The following KCNH4 variants were observed in gnomAD, a reference collection of about 807,000 sequenced individuals.
KCNH4 encodes the protein potassium voltage-gated channel subfamily H member 4, also known as voltage-gated delayed rectifier potassium channel KCNH4.
In KCNH4, 33 loss-of-function variants were observed where a neutral mutation model predicts 90.7. The observed-to-expected ratio is 0.36, with a 90% CI of 0.28 to 0.49. The LOEUF (loss-of-function observed/expected upper bound fraction) is 0.49. Among genes scored for constraint, KCNH4 ranks in the 20% least tolerant of loss-of-function variants. The pLI is 0.98. For missense variants in KCNH4, 1,044 were observed against 1,387.1 expected, an observed-to-expected ratio of 0.75 and a Z score of 3.93; for synonymous variants, 551 against 581.7, an observed-to-expected ratio of 0.95 and a Z score of 0.76.
Position 42,176,146 on chromosome 17 carries a change from T to G in KCNH4, c.737A>C (p.Tyr246Ser), listed in dbSNP as rs1331566874. The G allele has an allele frequency of 6.2e-7, 1 of 1,613,578 alleles. No individual in the cohort carries two copies. Reference protein sequence around the residue: ...ATFYVAVTVPYNVCFSGDDDT... With the variant: ...ATFYVAVTVPSNVCFSGDDDT... ...ATCGTCACCCGAGAAACAGACATTG[T>G]AGGGGACGGTGACCGCAACGTAGAA... is the stretch of plus-strand genomic sequence containing the variant. The change falls in exon 5 of 17, where the codon TAC becomes TCC. Residue 246 changes from tyrosine (Y) to serine (S), a missense_variant. By Grantham distance (144) the Tyr-to-Ser change is moderately radical (BLOSUM62 -2). Coordinates refer to ENST00000264661, the MANE Select transcript of KCNH4 (RefSeq NM_012285.3).
chr17:42,177,900 G>C lies in KCNH4; in HGVS notation c.585+200C>G, dbSNP rs111640118. Among the ~76,000 whole-genome samples the C allele has an allele frequency of 8.8e-3, 1,338 of 152,324 alleles. 22 individuals carry two copies. The highest frequency in any genetic ancestry group is 0.03 in the African/African-American group (1,258 of 41,554). On this transcript the variant is annotated intron_variant, in intron 4 of 16. Coordinates refer to ENST00000264661, the MANE Select transcript of KCNH4 (RefSeq NM_012285.3). Reference sequence around the variant, plus strand: ...ATGTCAATCACCTAAGGGAATGAGGGAGATAGGGATAGAAGGATGTTGGGG... The same window carrying C: ...ATGTCAATCACCTAAGGGAATGAGGCAGATAGGGATAGAAGGATGTTGGGG...
chr17:42,178,041 G>C lies in KCNH4; in HGVS notation c.585+59C>G, dbSNP rs985301514. ...AGGGAAGTGGGGAGACAGTGGCAGG[G>C]GTGCCTCAGAATCAAGGCTGGAGGA... On this transcript the variant is annotated intron_variant, in intron 4 of 16. Coordinates refer to ENST00000264661, the MANE Select transcript of KCNH4 (RefSeq NM_012285.3). The C allele has an allele frequency of 5.7e-6, 9 of 1,577,290 alleles. No homozygotes were observed. The Admixed American group carries it at 1.2e-4, about 22-fold the overall frequency.
rs910992360 is a variant in KCNH4 at position 42,159,410 on chromosome 17, G to A, written c.*309+321C>T. Among the ~76,000 whole-genome samples the A allele has an allele frequency of 1.6e-4, 24 of 152,190 alleles. 1 individual carries two copies. The highest frequency in any genetic ancestry group is 3.4e-3 in the Middle Eastern group (1 of 294). ...GAAGAGTACATATCTGGAGCCATCCGTTTGTTTCCTGTGTGGGCTGTGGGA... is the reference window on the plus strand; with the variant it reads ...GAAGAGTACATATCTGGAGCCATCCATTTGTTTCCTGTGTGGGCTGTGGGA... On this transcript the variant is annotated intron_variant, in intron 16 of 16. Transcript: ENST00000264661.
At position 42,160,306 on chromosome 17, in the gene KCNH4, G is replaced by T. The variant is rs201119846; in HGVS notation, c.2788C>A (p.Pro930Thr). 1 of 1,614,124 alleles carries T rather than the reference G, an allele frequency of 6.2e-7. No homozygotes were observed. Residue 930 changes from proline to threonine, a missense_variant, in exon 16 of 17, where the codon CCA (proline) becomes ACA (threonine). By Grantham distance (38) the Pro-to-Thr change is conservative (BLOSUM62 -1). Around this residue, in one of 4 missense-constraint regions of KCNH4, gnomAD observed 441 missense variants for 512.3 expected, o/e 0.86. Transcript: ENST00000264661. Reference protein sequence around the residue: ...GSAWTPDPPCPQLRPPCLSPC... With the variant: ...GSAWTPDPPCTQLRPPCLSPC... Reference sequence around the variant, plus strand: ...GAGAGGCATGGTGGCCTCAGCTGTGGACAAGGAGGGTCTGGGGTCCAAGCG... The same window carrying T: ...GAGAGGCATGGTGGCCTCAGCTGTGTACAAGGAGGGTCTGGGGTCCAAGCG...
At chr17:42,164,379 C>G (rs1243236751) in intron 11 of KCNH4, among the ~76,000 whole-genome samples, 2 of 152,250 alleles carry the variant, frequency 1.3e-5, no homozygotes, top group Non-Finnish European at 2.9e-5. Flanking sequence ...GTGTAATGTA[C>G]AGGCCTGGCC....
chr17:42,172,698 CAG>C (rs2079836017), intron 6 of KCNH4, among the ~76,000 whole-genome samples: 1 of 151,894 alleles, frequency 6.6e-6, no homozygotes, highest in Non-Finnish European at 1.5e-5. Flanking sequence ...AGTTGGAACT[CAG>C]GGTGGGCATC....
In KCNH4 at chr17:42,163,812, G is replaced by A; in HGVS notation, c.2271C>T (p.Ser757=). 1 of 1,527,012 alleles carries A rather than the reference G, an allele frequency of 6.5e-7. No homozygotes were observed. The highest frequency in any genetic ancestry group is 8.8e-7 in the Non-Finnish European group (1 of 1,137,780). 94.6% of individuals were successfully genotyped at this position (1,527,012 alleles called of 1,614,324 possible). Residue 757 remains serine (S), a synonymous_variant, in exon 13 of 17, where the codon TCC becomes TCT. Coordinates refer to ENST00000264661, the MANE Select transcript of KCNH4 (RefSeq NM_012285.3). The surrounding 1 kb of genome is among the most constrained non-coding windows in gnomAD (Gnocchi z 5.4). The part of the protein sequence containing the change: ...PNLSPARPRG[S]LVSLLGEELP... Reference sequence around the variant, plus strand: ...GCTCCTCGCCCAAAAGGCTGACCAGGGAGCCCCGAGGCCGTGCTGGGCTGA... The same window carrying A: ...GCTCCTCGCCCAAAAGGCTGACCAGAGAGCCCCGAGGCCGTGCTGGGCTGA...
chr17:42,170,536 T>G (rs2079820331), intron 7 of KCNH4, among the ~76,000 whole-genome samples: 1 of 152,204 alleles, frequency 6.6e-6, no homozygotes, highest in Non-Finnish European at 1.5e-5. Context: ...TTCTAATAGT[T>G]TATTGTGCAC....
intron 9 of KCNH4, among the ~76,000 whole-genome samples, 193 bp downstream of exon 9, chr17:42,169,284 C>T (rs1168994650): frequency 6.6e-6 from 1 of 151,862 alleles, no homozygotes; most frequent in Admixed American, 6.6e-5. Flanking sequence ...TTCACCATGT[C>T]GCCCAGGCTG....
Position 42,163,978 on chromosome 17 carries a change from C to A in KCNH4, c.2125-20G>T. 6.6e-7 allele frequency: 1 copy of A among 1,519,064 alleles called. No homozygotes were observed. The highest frequency in any genetic ancestry group is 1.2e-5 in the South Asian group (1 of 80,132). The allele number at this position is 1,519,064 out of a possible 1,614,324, so 94.1% of individuals were successfully genotyped here. A position where few individuals can be genotyped will look rare whatever the true frequency, so the allele number is the denominator to read the frequency against. ...GCGGGGCTGCGGGCAGAGGGGGCAGCTGATGTCGCAGGACAGTGAACAACA... is the reference window on the plus strand; with the variant it reads ...GCGGGGCTGCGGGCAGAGGGGGCAGATGATGTCGCAGGACAGTGAACAACA... On this transcript the variant is annotated intron_variant, in intron 12 of 16. Transcript: ENST00000264661. The surrounding 1 kb of genome is among the most constrained non-coding windows in gnomAD (Gnocchi z 5.4).
intron 16 of KCNH4, among the ~76,000 whole-genome samples, 195 bp downstream of exon 16, chr17:42,159,536 A>G (rs183444502): frequency 6.6e-6 from 1 of 152,276 alleles, no homozygotes; most frequent in East Asian, 1.9e-4. Context: ...TCTCTAGGTA[A>G]CATTGCTCTT....
At position 42,169,641 on chromosome 17, in the gene KCNH4, C is replaced by A; in HGVS notation, c.1426G>T (p.Ala476Ser). 1 of 1,613,998 alleles carries A rather than the reference C, an allele frequency of 6.2e-7. No individual in the cohort carries two copies. Residue 476 changes from alanine to serine, a missense_variant, in exon 9 of 17, where the codon GCC becomes TCC. Ala to Ser is a moderately conservative substitution (Grantham distance 99, BLOSUM62 1). Around this residue, in one of 4 missense-constraint regions of KCNH4, gnomAD observed 318 missense variants for 479.6 expected, o/e 0.66. Coordinates refer to ENST00000264661, the MANE Select transcript of KCNH4 (RefSeq NM_012285.3). ...CGCGAGTACATGCGCTGGATGATGGCTGTCACGTTCCCGAACACCACAGCG... is the reference window on the plus strand; with the variant it reads ...CGCGAGTACATGCGCTGGATGATGGATGTCACGTTCCCGAACACCACAGCG... ...MHAVVFGNVT[A>S]IIQRMYSRRS...
chr17:42,181,070 A>ACTGCCG lies in KCNH4; in HGVS notation c.-131_-126dup, dbSNP rs573849867. ...CCTCCTGCCTCCTCCCCTCCCTCTT[A>ACTGCCG]CTGCCGCTGCCGCTGCCGCTGCCTC... is the stretch of plus-strand genomic sequence containing the variant. On this transcript the variant is annotated 5_prime_UTR_variant, in exon 1 of 17. Transcript: ENST00000264661. 3.2e-5 allele frequency: 25 copies of ACTGCCG among 783,472 alleles called. No individual in the cohort carries two copies. Among genetic ancestry groups the ACTGCCG allele is most frequent in the African/African-American group, 1.9e-4 (10 of 54,026 alleles). The allele number at this position is 783,472 out of a possible 1,614,324, so 48.5% of individuals were successfully genotyped here.
chr17:42,177,516 G>C (rs540179987), intron 4 of KCNH4, among the ~76,000 whole-genome samples: 91 of 152,312 alleles, frequency 6.0e-4, no homozygotes, highest in African/African-American at 2.2e-3. Context: ...CATCCTACTT[G>C]AGAAGAAGAC....
intron 15 of KCNH4, among the ~76,000 whole-genome samples, chr17:42,161,292 G>A (rs1437688621): frequency 6.6e-6 from 1 of 152,204 alleles, no homozygotes. Flanking sequence ...GATGCCTGAG[G>A]CCTTGAGCGG....
At position 42,169,535 on chromosome 17, in the gene KCNH4, C is replaced by T. The variant is rs201523967; in HGVS notation, c.1532G>A (p.Arg511His). 4.9e-4 allele frequency: 787 copies of T among 1,613,420 alleles called. 1 individual carries two copies. The highest frequency in any genetic ancestry group is 6.6e-4 in the Middle Eastern group (4 of 6,062). Residue 511 changes from arginine (R) to histidine (H), a missense_variant, in exon 9 of 17, where the codon CGC (arginine) becomes CAC (histidine). Around this residue, in one of 4 missense-constraint regions of KCNH4, gnomAD observed 318 missense variants for 479.6 expected, o/e 0.66. Coordinates refer to ENST00000264661, the MANE Select transcript of KCNH4 (RefSeq NM_012285.3). ...CGTGGTCTGGAAGTATTCGAGCATG[C>T]GCTGCTTGAGCGGCCGCGGCAGGCG... ...VHRLPRPLKQ[R>H]MLEYFQTTWA...
chr17:42,170,122 T>C lies in KCNH4; in HGVS notation c.1375A>G (p.Thr459Ala), dbSNP rs771718684. The C allele has an allele frequency of 6.2e-7, 1 of 1,610,482 alleles. No individual in the cohort carries two copies. The highest frequency in any genetic ancestry group is 8.5e-7 in the Non-Finnish European group (1 of 1,178,232). The part of the protein sequence containing the change: ...TDAEKIFSIC[T>A]MLIGALMHAV... ...CTGGCCTCACCGCCTATGAGCATCG[T>C]GCAGATGGAGAAGATCTTCTCCGCG... Residue 459 changes from threonine to alanine, a missense_variant, in exon 8 of 17, where the codon ACG (threonine) becomes GCG (alanine). Thr to Ala is a moderately conservative substitution (Grantham distance 58). Transcript: ENST00000264661.
chr17:42,170,444 C>T (rs1414938862), intron 7 of KCNH4, 143 bp from the exon 8 acceptor site: 4 of 660,818 alleles, frequency 6.1e-6, no homozygotes, highest in Middle Eastern at 4.2e-4. Flanking sequence ...GGGCCTGTGT[C>T]TCCCCATGGT....
At chr17:42,162,659 C>T (rs181309944) in intron 14 of KCNH4, among the ~76,000 whole-genome samples, 1 of 151,802 alleles carries the variant, frequency 6.6e-6, no homozygotes, top group East Asian at 1.9e-4. Context: ...GTGGTGTGCT[C>T]TCAGCTCACT....
Sources: allele counts gnomAD v4.1 joint callset (sites outside exome capture counted in the v4.1 genomes callset), GRCh38; gene constraint gnomAD v4.1.1; regional missense constraint gnomAD v4.1.1; non-coding constraint Gnocchi (gnomAD v3.1); transcripts MANE v1.5; gene names NCBI Gene and HGNC (gene_info 2026-07-23, HGNC 2026-07-21).